Variants in GON4L observed in about 807,000 individuals in gnomAD.
GON4L encodes gon-4 like.
Under a neutral mutation model 211.8 loss-of-function variants are expected in GON4L, and 87 were observed. The observed-to-expected ratio is 0.41, with a 90% CI of 0.35 to 0.49. GON4L has a LOEUF of 0.49. Ranked by LOEUF, GON4L falls within the 20% of genes least tolerant of loss-of-function variation. The pLI is 0.15. For synonymous variants in GON4L, 875 were observed against 962.6 expected, an observed-to-expected ratio of 0.91 and a Z score of 1.68; for missense variants, 2,155 against 2,659.5, an observed-to-expected ratio of 0.81 and a Z score of 4.17.
intron 11 of GON4L, among the ~76,000 whole-genome samples, chr1:155,803,174 T>C (rs2102062799): frequency 6.6e-6 from 1 of 152,316 alleles, no homozygotes; most frequent in South Asian, 2.1e-4. Flanking sequence ...GACCTGTTAT[T>C]TTCTTTCATT....
downstream of GON4L, chr1:155,748,349 CA>C (rs1038073221): frequency 1.2e-5 from 18 of 1,534,554 alleles, no homozygotes; most frequent in Admixed American, 2.7e-4. Context: ...TGCCTCCACA[CA>C]TTCTTTTCCA....
At chr1:155,833,547 G>T (rs964924395) in intron 2 of GON4L, among the ~76,000 whole-genome samples, 1 of 146,350 alleles carries the variant, frequency 6.8e-6, no homozygotes, top group Non-Finnish European at 1.5e-5. Context: ...TCGGGAGGCT[G>T]AGGCAGAAGA....
Position 155,757,205 on chromosome 1 carries a change from T to A in GON4L, c.5372A>T (p.Asn1791Ile). 1.2e-6 allele frequency: 2 copies of A among 1,613,916 alleles called. No individual in the cohort carries two copies. The highest frequency in any genetic ancestry group is 1.7e-6 in the Non-Finnish European group (2 of 1,179,886). ...ASRMGDFEEI[N>I]WTEEKEYEFD... The stretch of plus-strand genomic sequence containing the variant: ...CTCATACTCCTTTTCCTCAGTCCAA[T>A]TGATCTCTTCAAAGTCACCCATCCG... Residue 1791 changes from asparagine (N) to isoleucine (I), a missense_variant, in exon 26 of 32, where the codon AAT (asparagine) becomes ATT (isoleucine). Around this residue, in one of 6 missense-constraint regions of GON4L, gnomAD observed 455 missense variants for 504.6 expected, o/e 0.90. Coordinates refer to ENST00000368331, the MANE Select transcript of GON4L (RefSeq NM_001282860.2).
intron 2 of GON4L, chr1:155,845,950 C>A: frequency 4.6e-6 from 1 of 215,822 alleles, no homozygotes; most frequent in South Asian, 8.2e-5. Context: ...CAAACCAGGT[C>A]CTGGATTTGA....
chr1:155,765,305 G>C lies in GON4L; in HGVS notation c.4168C>G (p.Pro1390Ala), dbSNP rs756779285. The change falls in exon 21 of 32, where the codon CCT (proline) becomes GCT (alanine). Residue 1390 changes from proline to alanine, a missense_variant. By Grantham distance (27) the Pro-to-Ala change is conservative. Transcript: ENST00000368331. ...EEERSQPTKTPSSSQEPPDEG... is the reference protein window; with the variant it reads ...EEERSQPTKTASSSQEPPDEG... Reference sequence around the variant, plus strand: ...TCAGGGGGCTCTTGAGAAGATGAAGGGGTTTTAGTTGGCTGACTCCTCTCC... The same window carrying C: ...TCAGGGGGCTCTTGAGAAGATGAAGCGGTTTTAGTTGGCTGACTCCTCTCC... 1 of 1,614,170 alleles carries C rather than the reference G, an allele frequency of 6.2e-7. No homozygotes were observed. Among genetic ancestry groups the C allele is most frequent in the Non-Finnish European group, 8.5e-7 (1 of 1,180,024 alleles).
chr1:155,797,671 C>A (rs548272762), intron 11 of GON4L, among the ~76,000 whole-genome samples: 7 of 149,212 alleles, frequency 4.7e-5, no homozygotes, highest in Admixed American at 1.3e-4. Context: ...TGGTGAGACC[C>A]CCCCCCTCCC....
intron 12 of GON4L, among the ~76,000 whole-genome samples, chr1:155,787,383 A>T (rs1234709684): frequency 6.6e-6 from 1 of 152,210 alleles, no homozygotes; most frequent in Non-Finnish European, 1.5e-5. Flanking sequence ...ATAACCAACA[A>T]GGCAAACATA....
At chr1:155,757,155 G>A (rs1220591646) in intron 26 of GON4L, 25 bp downstream of exon 26, 1 of 1,613,694 alleles carries the variant, frequency 6.2e-7, no homozygotes, top group African/African-American at 1.3e-5. Flanking sequence ...CCTTCATAAG[G>A]CTACAGCAGC....
chr1:155,786,973 G>A (rs967994562), intron 12 of GON4L, among the ~76,000 whole-genome samples: 1 of 151,690 alleles, frequency 6.6e-6, no homozygotes, highest in African/African-American at 2.4e-5. Flanking sequence ...CCAGGCTGGA[G>A]TGCAGTGGCG....
chr1:155,810,056 C>A (rs937787813), intron 10 of GON4L, among the ~76,000 whole-genome samples: 3 of 147,750 alleles, frequency 2.0e-5, no homozygotes, highest in African/African-American at 7.5e-5. Context: ...AGTGCACTGG[C>A]GCCATCTCGG....
chr1:155,804,391 G>T (rs996026907), intron 11 of GON4L, among the ~76,000 whole-genome samples: 8 of 151,976 alleles, frequency 5.3e-5, no homozygotes, highest in African/African-American at 1.9e-4. Context: ...AAAAACAAAA[G>T]ACAACAACAA....
At chr1:155,812,066 A>C (rs1333838310) in intron 10 of GON4L, among the ~76,000 whole-genome samples, 2 of 152,028 alleles carry the variant, frequency 1.3e-5, no homozygotes, top group African/African-American at 4.8e-5. Flanking sequence ...AAAAAACAGA[A>C]AGAAAGGAAT....
Position 155,824,434 on chromosome 1 carries a change from C to CAAAAAAAAAAA in GON4L, c.698-1969_698-1959dup. The stretch of plus-strand genomic sequence containing the variant: ...GGGTGACGAGAGCAAAACTCCACAT[C>CAAAAAAAAAAA]AAAAAAAAAAAAAAAAAAAAAAAAA... On this transcript the variant is annotated intron_variant, in intron 3 of 31. Transcript: ENST00000368331. 6.7e-4 allele frequency among the ~76,000 whole-genome samples: 5 copies of CAAAAAAAAAAA among 7,438 alleles called. 2 individuals are homozygous for CAAAAAAAAAAA. Among genetic ancestry groups the CAAAAAAAAAAA allele is most frequent in the African/African-American group, 1.0e-3 (2 of 1,920 alleles). 4.9% of individuals were successfully genotyped at this position (7,438 alleles called of 152,430 possible). A position where few individuals can be genotyped will look rare whatever the true frequency, so the allele number is the denominator to read the frequency against.
chr1:155,800,342 G>C (rs1259276810), intron 11 of GON4L, among the ~76,000 whole-genome samples: 1 of 151,796 alleles, frequency 6.6e-6, no homozygotes, highest in Non-Finnish European at 1.5e-5. Context: ...TGGACCACTT[G>C]AGATCAGGAG....
intron 11 of GON4L, among the ~76,000 whole-genome samples, chr1:155,799,031 AC>A (rs1382867679): frequency 2.0e-5 from 3 of 152,094 alleles, no homozygotes; most frequent in Non-Finnish European, 4.4e-5. Flanking sequence ...CAGCTGATAT[AC>A]CCCTCCTGTA....
At chr1:155,777,955 G>A (rs1664002794) in intron 14 of GON4L, 135 bp from the exon 15 acceptor site, 1 of 708,144 alleles carries the variant, frequency 1.4e-6, no homozygotes, top group Admixed American at 2.0e-5. Flanking sequence ...TTAGCCAACA[G>A]TCAAACTCTC....
At chr1:155,831,312 T>C (rs977888322) in intron 2 of GON4L, among the ~76,000 whole-genome samples, 2 of 151,926 alleles carry the variant, frequency 1.3e-5, no homozygotes, top group Non-Finnish European at 2.9e-5. Flanking sequence ...AAAAGTTATG[T>C]GTGGCTTCAT....
At chr1:155,784,490 A>G in intron 13 of GON4L, 1 of 206,440 alleles carries the variant, frequency 4.8e-6, no homozygotes, top group Non-Finnish European at 9.3e-6. Flanking sequence ...GGTTCAAGCA[A>G]TTTTCCTGCC....
chr1:155,796,498 G>A (rs569722740), intron 11 of GON4L, among the ~76,000 whole-genome samples: 2 of 152,020 alleles, frequency 1.3e-5, no homozygotes, highest in Non-Finnish European at 2.9e-5. Flanking sequence ...AGCTGGTCTC[G>A]AACTCCTGAC....
Sources: allele counts gnomAD v4.1 joint callset (sites outside exome capture counted in the v4.1 genomes callset), GRCh38; gene constraint gnomAD v4.1.1; regional missense constraint gnomAD v4.1.1; transcripts MANE v1.5; gene names NCBI Gene and HGNC (gene_info 2026-07-23, HGNC 2026-07-21).